Variants in CSF2RA observed in about 807,000 individuals in gnomAD.
CSF2RA encodes granulocyte-macrophage colony-stimulating factor receptor subunit alpha.
CSF2RA carries 42 observed loss-of-function variants against 51.6 expected under a neutral mutation model. That is an observed-to-expected ratio of 0.81 (90% CI 0.64 to 1.05). The LOEUF (loss-of-function observed/expected upper bound fraction) is 1.05, where lower values mean the gene tolerates loss of function less well. Ranked by LOEUF, CSF2RA falls within the 50% of genes least tolerant of loss-of-function variation. The pLI is 0.00. For synonymous variants in CSF2RA, 222 were observed against 193.0 expected (o/e 1.15, Z -1.24); for missense variants, 530 against 501.1 (o/e 1.06, Z -0.55).
chrX:1,270,531 G>A (rs1421406538), intron 1 of CSF2RA, among the ~76,000 whole-genome samples: 9 of 152,010 alleles, frequency 5.9e-5, no homozygotes, highest in East Asian at 1.9e-4. Flanking sequence ...GGGCCACCGC[G>A]CCTGGCCCAA....
chrX:1,290,258 T>G, intron 6 of CSF2RA, 79 bp from the exon 7 acceptor site: 3 of 1,190,194 alleles, frequency 2.5e-6, no homozygotes, highest in Non-Finnish European at 3.7e-6. Flanking sequence ...TTGTTTTGTG[T>G]TTGTTTTTGT....
the CSF2RA span, among the ~76,000 whole-genome samples, chrX:1,315,995 G>A: frequency 8.3e-6 from 1 of 121,164 alleles, no homozygotes; most frequent in East Asian, 7.5e-4. Flanking sequence ...ATGATAGATG[G>A]ATAGACAGAT....
intron 2 of CSF2RA, among the ~76,000 whole-genome samples, chrX:1,275,759 CG>C (rs1268825616): frequency 8.2e-4 from 124 of 151,876 alleles, no homozygotes; most frequent in African/African-American, 2.8e-3. Context: ...GGGGTTTCAC[CG>C]TGTTAGCCAG....
chrX:1,315,747 G>A, the CSF2RA span, among the ~76,000 whole-genome samples: 2,929 of 151,720 alleles, frequency 0.019, 92 homozygotes, highest in African/African-American at 0.067. Context: ...TAGATAGATA[G>A]ATAGAAAATA....
At chrX:1,271,074 G>A (rs1419622953) in intron 1 of CSF2RA, among the ~76,000 whole-genome samples, 18 of 151,804 alleles carry the variant, frequency 1.2e-4, no homozygotes, top group Non-Finnish European at 2.5e-4. Context: ...CAGAAATGAA[G>A]CATCTTAAGT....
intron 9 of CSF2RA, among the ~76,000 whole-genome samples, chrX:1,299,341 A>G (rs1233471820): frequency 3.3e-5 from 5 of 152,140 alleles, no homozygotes; most frequent in African/African-American, 7.2e-5. Context: ...TGAGTATGCT[A>G]GACTTGGGGA....
At chrX:1,282,382 G>C (rs1394700722) in intron 2 of CSF2RA, 13 of 508,320 alleles carry the variant, frequency 2.6e-5, no homozygotes, top group Non-Finnish European at 4.3e-5. Context: ...CCTGCCTTTA[G>C]TGTCAGCTAT....
rs765007851 is a variant in CSF2RA, at chrX:1,285,772, T to C, written c.77-6T>C. ...AAATTCTGAACCCAGTGCCCGCTCC[T>C]TGCAGATCTGCGAACAGTGGCACCA... On this transcript the variant is annotated splice_region_variant and splice_polypyrimidine_tract_variant and intron_variant, in intron 3 of 12. Transcript: ENST00000381529. The C allele has an allele frequency of 3.7e-6, 6 of 1,607,746 alleles. No homozygotes were observed. The highest frequency in any genetic ancestry group is 5.1e-6 in the Non-Finnish European group (6 of 1,177,166).
chrX:1,280,340 G>A (rs192705057), intron 2 of CSF2RA, among the ~76,000 whole-genome samples: 2,462 of 151,810 alleles, frequency 0.016, 73 homozygotes, highest in African/African-American at 0.056. Flanking sequence ...GCATAATGGC[G>A]GGCGCCTATA....
intron 1 of CSF2RA, among the ~76,000 whole-genome samples, chrX:1,269,210 A>G (rs2088005206): frequency 6.6e-6 from 1 of 152,152 alleles, no homozygotes. Context: ...TACAGAAAAA[A>G]ACAATTGATT....
the CSF2RA span, among the ~76,000 whole-genome samples, chrX:1,323,965 G>C: frequency 1.3e-5 from 2 of 151,576 alleles, no homozygotes; most frequent in Non-Finnish European, 2.9e-5. Context: ...GGTGAGCCAA[G>C]ATCACCCCAC....
rs1375773653 is a variant in CSF2RA at position 1,282,855 on chromosome X, A to T, written c.76+76A>T. 3 of 1,235,594 alleles carry T rather than the reference A, an allele frequency of 2.4e-6. No individual in the cohort carries two copies. The Admixed American group carries it at 5.0e-5, about 21-fold the overall frequency. 76.5% of individuals were successfully genotyped at this position (1,235,594 alleles called of 1,614,324 possible). Reference sequence around the variant, plus strand: ...CCTGCATCTGGAGACCCATCTGGATACCTGGGTCCATCTGCATTTCATCTC... The same window carrying T: ...CCTGCATCTGGAGACCCATCTGGATTCCTGGGTCCATCTGCATTTCATCTC... On this transcript the variant is annotated intron_variant, in intron 3 of 12. Transcript: ENST00000381529.
chrX:1,284,008 T>C (rs2090347973), intron 3 of CSF2RA, among the ~76,000 whole-genome samples: 1 of 150,756 alleles, frequency 6.6e-6, no homozygotes, highest in Non-Finnish European at 1.5e-5. Flanking sequence ...TATTTCCAGG[T>C]TTTTGTGACC....
rs138218062 is a variant in CSF2RA at position 1,289,076 on chromosome X, C to T, written c.473+188C>T. The T allele has an allele frequency of 2.8e-3, 1,944 of 702,086 alleles. 34 individuals carry two copies. The African/African-American group carries it at 0.032, about 12-fold the overall frequency. 43.5% of individuals were successfully genotyped at this position (702,086 alleles called of 1,614,324 possible). On this transcript the variant is annotated intron_variant, in intron 6 of 12. Coordinates refer to ENST00000381529, the MANE Select transcript of CSF2RA (RefSeq NM_172245.4). ...TCCTGGGTTCAAGCAATTTTCCTGCCTCAGCTTCCCAGGTAGCTGGGATTA... is the reference window on the plus strand; with the variant it reads ...TCCTGGGTTCAAGCAATTTTCCTGCTTCAGCTTCCCAGGTAGCTGGGATTA...
At chrX:1,314,870 G>A (rs186592021), downstream of CSF2RA, among the ~76,000 whole-genome samples, 35 of 32,338 alleles carry the variant, frequency 1.1e-3, 3 homozygotes, top group South Asian at 3.6e-3. Flanking sequence ...CTGCCCAACC[G>A]CACTGCACCT....
chrX:1,309,737 AT>A lies in CSF2RA; in HGVS notation c.*261del. The A allele has an allele frequency of 1.3e-6, 1 of 778,578 alleles. No individual in the cohort carries two copies. The highest frequency in any genetic ancestry group is 2.2e-6 in the Non-Finnish European group (1 of 452,876). The allele number at this position is 778,578 out of a possible 1,614,324, so 48.2% of individuals were successfully genotyped here. On this transcript the variant is annotated 3_prime_UTR_variant, in exon 13 of 13. Coordinates refer to ENST00000381529, the MANE Select transcript of CSF2RA (RefSeq NM_172245.4). ...CCCCATCTGGACTAAAAATGCAGAA[AT>A]TTACCCAGGCACGGCGGCGGACGCC... is the stretch of plus-strand genomic sequence containing the variant.
intron 1 of CSF2RA, among the ~76,000 whole-genome samples, chrX:1,269,635 AAG>A (rs1453514327): frequency 0.065 from 3,041 of 47,078 alleles, 120 homozygotes; most frequent in East Asian, 0.22. Flanking sequence ...AAAAAAGAAA[AAG>A]AAAAAAAAAG....
intron 3 of CSF2RA, among the ~76,000 whole-genome samples, chrX:1,284,525 A>T (rs1201138118): frequency 7.2e-6 from 1 of 139,358 alleles, no homozygotes; most frequent in Non-Finnish European, 1.5e-5. Context: ...GCTTTCTGGG[A>T]TCAAGTATCC....
intron 6 of CSF2RA, 71 bp downstream of exon 6, chrX:1,288,959 T>A (rs2091077748): frequency 6.3e-7 from 1 of 1,596,302 alleles, no homozygotes; most frequent in Non-Finnish European, 8.6e-7. Context: ...CTGGTTTTCT[T>A]TTTTTCCTTT....
Sources: gnomAD v4.1 joint callset for allele counts (sites outside exome capture counted in the v4.1 genomes callset) on GRCh38, gnomAD v4.1.1 for gene constraint, MANE v1.5 for transcripts, NCBI Gene and HGNC (gene_info 2026-07-23, HGNC 2026-07-21) for gene names.